Variants in GRIA2 observed in about 807,000 individuals in gnomAD.
The protein encoded by GRIA2 is glutamate receptor 2.
GRIA2 carries 14 observed loss-of-function variants against 97.3 expected under a neutral mutation model. The ratio of observed to expected loss-of-function variants is 0.14; its 90% CI spans 0.10 to 0.23. The LOEUF (loss-of-function observed/expected upper bound fraction) is 0.23, where lower values mean the gene tolerates loss of function less well. GRIA2 is among the 10% of genes least tolerant of loss of function. The pLI is 1.00. For synonymous variants in GRIA2, 412 were observed against 387.8 expected, an observed-to-expected ratio of 1.06 and a Z score of -0.73; for missense variants, 558 against 1,069.8, an observed-to-expected ratio of 0.52 and a Z score of 6.67.
chr4:157,351,597 A>G (rs1173730674), intron 12 of GRIA2, among the ~76,000 whole-genome samples: 2 of 152,208 alleles, frequency 1.3e-5, no homozygotes, highest in East Asian at 3.8e-4. Flanking sequence ...AACATGTGAT[A>G]TGGCTAGCCT....
chr4:157,351,170 T>C (rs1016137886), intron 12 of GRIA2, among the ~76,000 whole-genome samples: 1 of 152,110 alleles, frequency 6.6e-6, no homozygotes, highest in Admixed American at 6.5e-5. Flanking sequence ...TTAAATATGA[T>C]TGATATTTTC....
chr4:157,237,488 C>G (rs139834975), intron 2 of GRIA2, among the ~76,000 whole-genome samples: 1 of 151,804 alleles, frequency 6.6e-6, no homozygotes, highest in African/African-American at 2.4e-5. Flanking sequence ...CTGTGTGGAC[C>G]GGGCTAGTCT....
chr4:157,316,939 A>G (rs926473998), intron 4 of GRIA2, among the ~76,000 whole-genome samples: 5 of 152,342 alleles, frequency 3.3e-5, no homozygotes, highest in Admixed American at 6.5e-5. Flanking sequence ...AAATTGATCA[A>G]TAATGTCCAA....
At chr4:157,240,151 A>G (rs11946396) in intron 2 of GRIA2, among the ~76,000 whole-genome samples, 62,119 of 151,932 alleles carry the variant, frequency 0.41, 14,802 homozygotes, top group African/African-American at 0.67. Flanking sequence ...ATACACACGC[A>G]CATATAAGTG....
intron 6 of GRIA2, among the ~76,000 whole-genome samples, chr4:157,331,095 C>T (rs1403857019): frequency 6.6e-6 from 1 of 151,974 alleles, no homozygotes; most frequent in African/African-American, 2.4e-5. Flanking sequence ...GATATTCTCT[C>T]AACCCAGAAT....
At chr4:157,303,525 T>C in intron 2 of GRIA2, 27 bp from the exon 3 acceptor site, 1 of 1,603,374 alleles carries the variant, frequency 6.2e-7, no homozygotes, top group Non-Finnish European at 8.5e-7. Context: ...CAATGATTTT[T>C]CCTTTCTATT....
chr4:157,294,133 G>A (rs902467833), intron 2 of GRIA2, among the ~76,000 whole-genome samples: 2 of 151,282 alleles, frequency 1.3e-5, no homozygotes, highest in Non-Finnish European at 1.5e-5. Context: ...TCATTCAAAA[G>A]CAAAAGTGTT....
chr4:157,353,930 A>AT, intron 12 of GRIA2, among the ~76,000 whole-genome samples: 1 of 152,106 alleles, frequency 6.6e-6, no homozygotes, highest in Non-Finnish European at 1.5e-5. Flanking sequence ...GTAACCCTTT[A>AT]TAAAAAACTA....
At position 157,366,065 on chromosome 4, in the gene GRIA2, C is replaced by G. The variant is rs984261812; in HGVS notation, c.*2634C>G. The G allele has an allele frequency of 6.6e-6, 1 of 151,348 alleles. No individual in the cohort carries two copies. Among genetic ancestry groups the G allele is most frequent in the African/African-American group, 2.4e-5 (1 of 41,342 alleles). The allele number at this position is 151,348 out of a possible 1,614,324, so 9.4% of individuals were successfully genotyped here. ...CAATCATACATAAAACATGTTCTTA[C>G]AAAAGGCAAAGATCTTTATTTTTTT... On this transcript the variant is annotated 3_prime_UTR_variant, in exon 16 of 16. Transcript: ENST00000264426.
intron 3 of GRIA2, 91 bp downstream of exon 3, chr4:157,303,882 G>A (rs1733726011): frequency 1.5e-6 from 2 of 1,325,204 alleles, no homozygotes; most frequent in Non-Finnish European, 2.1e-6. Context: ...ACAAAGGTGT[G>A]ATAAAGCCCA....
chr4:157,220,636 GTGTGTGCGTGTGTGTA>G (rs1729443657), upstream of GRIA2: 1 of 120,676 alleles, frequency 8.3e-6, no homozygotes, highest in African/African-American at 3.5e-5. Flanking sequence ...ACTTGCCTGT[GTGTGTGCGTGTGTGTA>G]TGTGTGTGTG....
intron 2 of GRIA2, among the ~76,000 whole-genome samples, chr4:157,231,377 A>G (rs926779630): frequency 2.6e-5 from 4 of 152,040 alleles, no homozygotes; most frequent in Non-Finnish European, 5.9e-5. Flanking sequence ...GGTTATCACC[A>G]TGTTGATCAG....
At chr4:157,338,909 T>G (rs1735423812) in intron 11 of GRIA2, among the ~76,000 whole-genome samples, 2 of 151,994 alleles carry the variant, frequency 1.3e-5, no homozygotes, top group African/African-American at 4.8e-5. Context: ...TTATTATCAT[T>G]TTTAAAAAGC....
chr4:157,312,550 G>A, intron 3 of GRIA2, 129 bp from the exon 4 acceptor site: 1 of 517,560 alleles, frequency 1.9e-6, no homozygotes, highest in Non-Finnish European at 3.3e-6. Flanking sequence ...AGCTTTTTTT[G>A]AAGGAGTCAA....
At chr4:157,244,754 A>G (rs1457141827) in intron 2 of GRIA2, among the ~76,000 whole-genome samples, 1 of 151,868 alleles carries the variant, frequency 6.6e-6, no homozygotes, top group Non-Finnish European at 1.5e-5. Flanking sequence ...TTGACTTCCT[A>G]CCTCTTCATT....
chr4:157,336,123 C>T (rs931266123), intron 10 of GRIA2, among the ~76,000 whole-genome samples: 6 of 152,038 alleles, frequency 3.9e-5, no homozygotes, highest in African/African-American at 1.4e-4. Context: ...TGTCAAAAGG[C>T]TGCAAATGCA....
At chr4:157,330,397 A>AT (rs1198941091) in intron 6 of GRIA2, among the ~76,000 whole-genome samples, 1 of 151,874 alleles carries the variant, frequency 6.6e-6, no homozygotes, top group Non-Finnish European at 1.5e-5. Context: ...CTTTGAATAT[A>AT]TTTTTTCAAA....
chr4:157,322,657 G>C (rs1425671086), intron 6 of GRIA2, among the ~76,000 whole-genome samples: 2 of 152,208 alleles, frequency 1.3e-5, no homozygotes, highest in East Asian at 3.9e-4. Flanking sequence ...AGTTTAAAGA[G>C]TGAGTGGGTT....
At chr4:157,290,665 T>C (rs183948319) in intron 2 of GRIA2, among the ~76,000 whole-genome samples, 2 of 152,070 alleles carry the variant, frequency 1.3e-5, no homozygotes, top group East Asian at 3.9e-4. Context: ...ATTGTCATCC[T>C]TATTGAAGTA....
Sources: allele counts gnomAD v4.1 joint callset (sites outside exome capture counted in the v4.1 genomes callset), GRCh38; gene constraint gnomAD v4.1.1; transcripts MANE v1.5; gene names NCBI Gene and HGNC (gene_info 2026-07-23, HGNC 2026-07-21).